Variants in RETREG1 observed in about 807,000 individuals in gnomAD.
RETREG1 encodes the protein reticulophagy regulator 1.
In RETREG1, 44 loss-of-function variants were observed where a neutral mutation model predicts 54.8. That is an observed-to-expected ratio of 0.80 (90% CI 0.63 to 1.03). RETREG1 has a LOEUF of 1.03. Ranked by LOEUF, RETREG1 falls within the 50% of genes least tolerant of loss-of-function variation. RETREG1 has a pLI of 0.00. For synonymous variants in RETREG1, 217 were observed against 238.5 expected (o/e 0.91, Z 0.83); for missense variants, 554 against 605.1 (o/e 0.92, Z 0.89).
At position 16,616,920 on chromosome 5, in the gene RETREG1, C is replaced by T. The variant is rs1342682004; in HGVS notation, c.52G>A (p.Ala18Thr). The change falls in exon 1 of 9, where the codon GCC becomes ACC. Residue 18 changes from alanine (A) to threonine (T), a missense_variant. Coordinates refer to ENST00000306320, the MANE Select transcript of RETREG1 (RefSeq NM_001034850.3). Reference protein sequence around the residue: ...EHAEEGCPAPAAEEQAPPSPP... With the variant: ...EHAEEGCPAPTAEEQAPPSPP... ...GACGGCGGCGCCTGCTCCTCGGCGG[C>T]AGGAGCCGGGCATCCCTCCTCGGCG... 1.6e-5 allele frequency: 23 copies of T among 1,477,046 alleles called. No individual in the cohort carries two copies. Among genetic ancestry groups the T allele is most frequent in the Non-Finnish European group, 2.1e-5 (23 of 1,121,024 alleles). 91.5% of individuals were successfully genotyped at this position (1,477,046 alleles called of 1,614,324 possible). A position where few individuals can be genotyped will look rare whatever the true frequency, so the allele number is the denominator to read the frequency against.
At chr5:16,576,690 G>A (rs1207869893) in intron 1 of RETREG1, among the ~76,000 whole-genome samples, 1 of 151,978 alleles carries the variant, frequency 6.6e-6, no homozygotes, top group Non-Finnish European at 1.5e-5. Context: ...TCTCCATGTT[G>A]AGGCTGGTCT....
At chr5:16,546,302 G>A (rs1177556426) in intron 3 of RETREG1, among the ~76,000 whole-genome samples, 1 of 152,100 alleles carries the variant, frequency 6.6e-6, no homozygotes, top group African/African-American at 2.4e-5. Context: ...CAAGCAGCTG[G>A]AACCACAGGC....
At chr5:16,590,052 A>G (rs1309782202) in intron 1 of RETREG1, among the ~76,000 whole-genome samples, 1 of 152,246 alleles carries the variant, frequency 6.6e-6, no homozygotes, top group Admixed American at 6.5e-5. Context: ...CAGCTGCCTC[A>G]TGGACGCCAT....
intron 3 of RETREG1, among the ~76,000 whole-genome samples, chr5:16,510,585 T>G (rs1740138945): frequency 1.3e-5 from 2 of 150,940 alleles, no homozygotes; most frequent in African/African-American, 2.4e-5. Flanking sequence ...AGGTTAGGAG[T>G]TCGAGACCAG....
intron 3 of RETREG1, among the ~76,000 whole-genome samples, chr5:16,554,473 C>A (rs76364090): frequency 6.6e-6 from 1 of 152,120 alleles, no homozygotes; most frequent in Admixed American, 6.5e-5. Flanking sequence ...ACCCTGCCTG[C>A]GGGCACACCC....
At chr5:16,608,844 T>G (rs1743265695) in intron 1 of RETREG1, among the ~76,000 whole-genome samples, 1 of 152,184 alleles carries the variant, frequency 6.6e-6, no homozygotes, top group Non-Finnish European at 1.5e-5. Context: ...CCCAATATAA[T>G]TTTTTCACTC....
intron 3 of RETREG1, among the ~76,000 whole-genome samples, chr5:16,544,736 C>A (rs1377091474): frequency 6.6e-6 from 1 of 152,134 alleles, no homozygotes; most frequent in Admixed American, 6.5e-5. Flanking sequence ...GTCATGCATG[C>A]GTGTGTCTAT....
intron 2 of RETREG1, among the ~76,000 whole-genome samples, chr5:16,571,424 A>G (rs974652152): frequency 6.6e-6 from 1 of 152,242 alleles, no homozygotes; most frequent in African/African-American, 2.4e-5. Flanking sequence ...ACAGTGGTAC[A>G]AGAGGCCCCT....
In RETREG1 at chr5:16,473,063, A is replaced by G. The variant is rs1244818214; in HGVS notation, c.*1678T>C. The stretch of plus-strand genomic sequence containing the variant: ...TACTGATAACGACTATTTTATAAAT[A>G]TGTAACTGTATTTTTCTTCCTGTCC... On this transcript the variant is annotated 3_prime_UTR_variant, in exon 9 of 9. Transcript: ENST00000306320. 1.3e-5 allele frequency: 2 copies of G among 152,366 alleles called. No individual in the cohort carries two copies. The highest frequency in any genetic ancestry group is 4.8e-5 in the African/African-American group (2 of 41,466). 9.4% of individuals were successfully genotyped at this position (152,366 alleles called of 1,614,324 possible).
chr5:16,529,991 G>C (rs527480349), intron 3 of RETREG1, among the ~76,000 whole-genome samples: 13 of 152,132 alleles, frequency 8.5e-5, no homozygotes, highest in South Asian at 2.1e-4. Context: ...CTGAAGAATG[G>C]TTCTCCCAAC....
At chr5:16,569,828 G>A (rs373345962) in intron 2 of RETREG1, among the ~76,000 whole-genome samples, 197 of 152,312 alleles carry the variant, frequency 1.3e-3, no homozygotes, top group African/African-American at 4.6e-3. Context: ...AAATGCAATC[G>A]TAAGTGTACT....
chr5:16,518,044 T>G (rs1334695018), intron 3 of RETREG1, among the ~76,000 whole-genome samples: 1 of 150,054 alleles, frequency 6.7e-6, no homozygotes, highest in African/African-American at 2.4e-5. Context: ...ATCTCATTCA[T>G]GTGAAATATA....
At chr5:16,549,362 C>T (rs965090248) in intron 3 of RETREG1, among the ~76,000 whole-genome samples, 1 of 152,166 alleles carries the variant, frequency 6.6e-6, no homozygotes, top group Non-Finnish European at 1.5e-5. Flanking sequence ...CACTTCCCCC[C>T]CTATTTCCAC....
intron 8 of RETREG1, among the ~76,000 whole-genome samples, chr5:16,476,174 G>A (rs183068547): frequency 2.4e-4 from 37 of 152,212 alleles, no homozygotes; most frequent in Middle Eastern, 3.4e-3. Flanking sequence ...TATGTCACCC[G>A]TTCAAGGTCA....
At chr5:16,596,526 G>A (rs1206807486) in intron 1 of RETREG1, among the ~76,000 whole-genome samples, 2 of 152,212 alleles carry the variant, frequency 1.3e-5, no homozygotes, top group African/African-American at 2.4e-5. Context: ...TCAACTCAAT[G>A]CATCCTGGTC....
At chr5:16,503,200 G>A (rs936084142) in intron 3 of RETREG1, among the ~76,000 whole-genome samples, 2 of 152,220 alleles carry the variant, frequency 1.3e-5, no homozygotes, top group Non-Finnish European at 2.9e-5. Flanking sequence ...GATATCTCAC[G>A]CAAAACAAAC....
intron 3 of RETREG1, among the ~76,000 whole-genome samples, chr5:16,493,076 A>G (rs1349585059): frequency 6.6e-6 from 1 of 151,048 alleles, no homozygotes; most frequent in Non-Finnish European, 1.5e-5. Flanking sequence ...TTAGTGTTCT[A>G]TTTGGGGCTC....
Position 16,500,661 on chromosome 5 carries a change from G to A in RETREG1, c.459-17189C>T, listed in dbSNP as rs77006368. On this transcript the variant is annotated intron_variant, in intron 3 of 8. Coordinates refer to ENST00000306320, the MANE Select transcript of RETREG1 (RefSeq NM_001034850.3). ...GGATGTCCTGAGCCTGAAATTCTCC[G>A]TGTGGGTACTCATCTCTCTATAAGA... Among the ~76,000 whole-genome samples, 113 of 152,264 alleles carry A rather than the reference G, an allele frequency of 7.4e-4. No individual in the cohort carries two copies. In the East Asian group the frequency reaches 0.013, roughly 18 times the overall value.
intron 7 of RETREG1, 109 bp downstream of exon 7, chr5:16,477,925 T>C (rs1008449125): frequency 5.1e-6 from 7 of 1,374,868 alleles, no homozygotes; most frequent in Non-Finnish European, 6.1e-6. Context: ...CATTCAGTCA[T>C]CTTACAGAAA....
Sources: gnomAD v4.1 joint callset for allele counts (sites outside exome capture counted in the v4.1 genomes callset) on GRCh38, gnomAD v4.1.1 for gene constraint, MANE v1.5 for transcripts, NCBI Gene and HGNC (gene_info 2026-07-23, HGNC 2026-07-21) for gene names.